Variants in LDLRAP1 observed in about 807,000 individuals in gnomAD.
LDLRAP1 encodes low density lipoprotein receptor adaptor protein 1.
LDLRAP1 carries 30 observed loss-of-function variants against 37.8 expected under a neutral mutation model. The observed-to-expected ratio is 0.79, with a 90% CI of 0.59 to 1.08. The LOEUF (loss-of-function observed/expected upper bound fraction) is 1.08. Among genes scored for constraint, LDLRAP1 ranks in the 50% least tolerant of loss-of-function variants. The probability of loss-of-function intolerance (pLI) is 0.00; values close to 1 mark genes in which losing one functional copy is unlikely to be tolerated. For missense variants in LDLRAP1, 375 were observed against 401.6 expected, an observed-to-expected ratio of 0.93 and a Z score of 0.57; for synonymous variants, 156 against 169.8, an observed-to-expected ratio of 0.92 and a Z score of 0.63.
chr1:25,557,089 G>A (rs2044217992), intron 3 of LDLRAP1, 64 bp from the exon 4 acceptor site: 1 of 1,233,340 alleles, frequency 8.1e-7, no homozygotes, highest in Admixed American at 1.7e-5. Context: ...CTGCCCTGCA[G>A]GGCTTCCCAC....
chr1:25,574,585 G>A, the LDLRAP1 span, among the ~76,000 whole-genome samples: 2 of 152,216 alleles, frequency 1.3e-5, no homozygotes, highest in Non-Finnish European at 2.9e-5. Context: ...GTGGGTGTCT[G>A]TGGGCCTCTG....
At chr1:25,558,627 C>T (rs576157468) in intron 4 of LDLRAP1, among the ~76,000 whole-genome samples, 3 of 152,244 alleles carry the variant, frequency 2.0e-5, no homozygotes, top group African/African-American at 7.2e-5. Context: ...ATCTTCCGAG[C>T]CAGCAATGTA....
chr1:25,567,477 C>G lies in LDLRAP1; in HGVS notation c.*485C>G, dbSNP rs958944821. The G allele has an allele frequency of 3.7e-6, 1 of 273,880 alleles. No homozygotes were observed. The highest frequency in any genetic ancestry group is 7.2e-6 in the Non-Finnish European group (1 of 139,462). The allele number at this position is 273,880 out of a possible 1,614,324, so 17.0% of individuals were successfully genotyped here. A position where few individuals can be genotyped will look rare whatever the true frequency, so the allele number is the denominator to read the frequency against. On this transcript the variant is annotated 3_prime_UTR_variant, in exon 9 of 9. Transcript: ENST00000374338. ...CCCAGCACAGGAGAGCACCCACAGC[C>G]GCAGAAGGGGAATGTGTCCTCCTGC...
rs2044165317 is a variant in LDLRAP1, at chr1:25,554,957, A to G, written c.329A>G (p.Asn110Ser). The G allele has an allele frequency of 6.2e-6, 10 of 1,613,814 alleles. No homozygotes were observed. Among genetic ancestry groups the G allele is most frequent in the Non-Finnish European group, 8.5e-6 (10 of 1,179,794 alleles). ...TDNLTNQLIE[N>S]VSIYRISYCT... Reference sequence around the variant, plus strand: ...AACCTCACCAACCAGCTCATTGAGAACGTGTCCATATACAGGTACGCTCAG... The same window carrying G: ...AACCTCACCAACCAGCTCATTGAGAGCGTGTCCATATACAGGTACGCTCAG... Residue 110 changes from asparagine to serine, a missense_variant, in exon 3 of 9, where the codon AAC becomes AGC. Coordinates refer to ENST00000374338, the MANE Select transcript of LDLRAP1 (RefSeq NM_015627.3). This position sits in a 1 kb window ranked among gnomAD's most constrained non-coding sequence, Gnocchi z 5.4.
chr1:25,552,761 C>G (rs758546297), intron 1 of LDLRAP1, among the ~76,000 whole-genome samples: 14 of 152,160 alleles, frequency 9.2e-5, no homozygotes, highest in Non-Finnish European at 1.0e-4. Context: ...TCCACGGGGC[C>G]CTCACCTACG....
the LDLRAP1 span, among the ~76,000 whole-genome samples, chr1:25,578,426 G>A: frequency 6.6e-6 from 1 of 152,134 alleles, no homozygotes; most frequent in Non-Finnish European, 1.5e-5. Flanking sequence ...AGTCCATCTG[G>A]TGATAGATTA....
chr1:25,586,163 G>A, the LDLRAP1 span, among the ~76,000 whole-genome samples: 1 of 152,202 alleles, frequency 6.6e-6, no homozygotes, highest in Non-Finnish European at 1.5e-5. This position sits in a 1 kb window ranked among gnomAD's most constrained non-coding sequence, Gnocchi z 4.3. Flanking sequence ...GATGGTTTTT[G>A]TAGAGGCCCA....
At position 25,543,633 on chromosome 1, in the gene LDLRAP1, C is replaced by G; in HGVS notation, c.-66C>G. The G allele has an allele frequency of 8.9e-7, 1 of 1,118,454 alleles. No homozygotes were observed. The allele number at this position is 1,118,454 out of a possible 1,614,324, so 69.3% of individuals were successfully genotyped here. On this transcript the variant is annotated 5_prime_UTR_variant, in exon 1 of 9. Transcript: ENST00000374338. ...AGCGCGCAGCCCGCGCGCCGCAGGG[C>G]CGGGCGGAAAGTTTTTCCTGACGGA...
intron 5 of LDLRAP1, 117 bp from the exon 6 acceptor site, chr1:25,562,953 C>A: frequency 9.7e-7 from 1 of 1,029,326 alleles, no homozygotes; most frequent in Non-Finnish European, 1.5e-6. Flanking sequence ...TTCCTCCCGG[C>A]TGGAAACCTG....
At chr1:25,589,304 A>AAGAAAGAAAGAAAGAAAGAAAGAAAG in the LDLRAP1 span, among the ~76,000 whole-genome samples, 8 of 149,054 alleles carry the variant, frequency 5.4e-5, no homozygotes, top group Admixed American at 2.7e-4. Context: ...ACTCCATCTC[A>AAGAAAGAAAGAAAGAAAGAAAGAAAG]AAAGAAAGAA....
the LDLRAP1 span, among the ~76,000 whole-genome samples, chr1:25,575,083 A>G: frequency 1.3e-5 from 2 of 152,162 alleles, no homozygotes; most frequent in Non-Finnish European, 2.9e-5. Flanking sequence ...CGGTCCCCAA[A>G]TGCAGTGCTT....
intron 7 of LDLRAP1, 166 bp downstream of exon 7, chr1:25,563,957 C>T (rs2044413893): frequency 3.7e-6 from 3 of 810,220 alleles, no homozygotes; most frequent in African/African-American, 1.7e-5. Context: ...GAACAATGTC[C>T]CTTTTGAACC....
rs2044415835 is a variant in LDLRAP1 at position 25,564,015 on chromosome 1, C to T, written c.747+224C>T. 44 of 616,100 alleles carry T rather than the reference C, an allele frequency of 7.1e-5. No homozygotes were observed. The South Asian group carries it at 7.6e-4, about 11-fold the overall frequency. The allele number at this position is 616,100 out of a possible 1,614,324, so 38.2% of individuals were successfully genotyped here. A position where few individuals can be genotyped will look rare whatever the true frequency, so the allele number is the denominator to read the frequency against. Reference sequence around the variant, plus strand: ...TTGGCTCCCAGCACAGCTGTCTCCTCACAATGCTTGGCCTCTTGGCCTGAG... The same window carrying T: ...TTGGCTCCCAGCACAGCTGTCTCCTTACAATGCTTGGCCTCTTGGCCTGAG... On this transcript the variant is annotated intron_variant, in intron 7 of 8. Transcript: ENST00000374338.
downstream of LDLRAP1, among the ~76,000 whole-genome samples, chr1:25,569,951 T>A (rs1174979977): frequency 6.6e-6 from 1 of 152,248 alleles, no homozygotes; most frequent in African/African-American, 2.4e-5. Flanking sequence ...CCTGTTGACC[T>A]GTGCGGTGAC....
chr1:25,565,280 G>A, intron 8 of LDLRAP1, 73 bp downstream of exon 8: 1 of 1,545,398 alleles, frequency 6.5e-7, no homozygotes, highest in Non-Finnish European at 8.9e-7. Context: ...TTCTCCTGGG[G>A]ACCTTTCCCC....
rs1237046800 is a variant in LDLRAP1 at position 25,557,207 on chromosome 1, C to T, written c.399C>T (p.Ala133=). ...ACGACAAGGTGTTTGCATACATCGC[C>T]CAGAGCCAGCACAACCAGAGCCTCG... ...KMHDKVFAYI[A]QSQHNQSLEC... Residue 133 remains alanine (A), a synonymous_variant, in exon 4 of 9, where the codon GCC becomes GCT. Coordinates refer to ENST00000374338, the MANE Select transcript of LDLRAP1 (RefSeq NM_015627.3). 1.2e-6 allele frequency: 2 copies of T among 1,614,204 alleles called. No individual in the cohort carries two copies. Among genetic ancestry groups the T allele is most frequent in the Non-Finnish European group, 8.5e-7 (1 of 1,180,042 alleles).
At chr1:25,586,109 G>T in the LDLRAP1 span, among the ~76,000 whole-genome samples, 2 of 152,206 alleles carry the variant, frequency 1.3e-5, no homozygotes, top group African/African-American at 4.8e-5. The surrounding 1 kb of genome is among the most constrained non-coding windows in gnomAD (Gnocchi z 4.3). Context: ...CTTTCCAGGG[G>T]TCTGGGCAGT....
At chr1:25,561,865 A>G (rs1431876007) in intron 4 of LDLRAP1, among the ~76,000 whole-genome samples, 1 of 152,182 alleles carries the variant, frequency 6.6e-6, no homozygotes, top group Non-Finnish European at 1.5e-5. Flanking sequence ...AAACACAGGC[A>G]GGGGAGCCAG....
chr1:25,546,715 A>G (rs942760492), intron 1 of LDLRAP1, among the ~76,000 whole-genome samples: 6 of 152,336 alleles, frequency 3.9e-5, no homozygotes, highest in African/African-American at 1.4e-4. Context: ...AAGCTAGTTC[A>G]TGGTGGAAGG....
Sources: gnomAD v4.1 joint callset for allele counts (sites outside exome capture counted in the v4.1 genomes callset) on GRCh38, gnomAD v4.1.1 for gene constraint, Gnocchi (gnomAD v3.1) non-coding constraint, MANE v1.5 for transcripts, NCBI Gene and HGNC (gene_info 2026-07-23, HGNC 2026-07-21) for gene names.